The following AHI1 variants were observed in gnomAD, a reference collection of about 807,000 sequenced individuals.
The protein encoded by AHI1 is jouberin.
In AHI1, 123 loss-of-function variants were observed where a neutral mutation model predicts 149.3. The observed-to-expected ratio is 0.82, with a 90% CI of 0.71 to 0.96. AHI1 has a LOEUF of 0.96. AHI1 is among the 40% of genes least tolerant of loss of function. AHI1 has a pLI of 0.00. For missense variants in AHI1, 1,439 were observed against 1,422.7 expected, an observed-to-expected ratio of 1.01 and a Z score of -0.18; for synonymous variants, 475 against 459.8, an observed-to-expected ratio of 1.03 and a Z score of -0.42.
chr6:135,474,170 T>C (rs1792208364), intron 5 of AHI1, among the ~76,000 whole-genome samples: 1 of 152,222 alleles, frequency 6.6e-6, no homozygotes, highest in Admixed American at 6.5e-5. Context: ...CTTACAATAC[T>C]TTCCGTTTAA....
In AHI1 at chr6:135,402,676, C is replaced by T. The variant is rs186200307; in HGVS notation, c.2988+2275G>A. ...CCAAACCCTCATTTTCCTCCTCAGG[C>T]TATTCAATGTGAAGACAAAGGAAGA... On this transcript the variant is annotated intron_variant, in intron 22 of 28. Transcript: ENST00000265602. Among the ~76,000 whole-genome samples the T allele has an allele frequency of 2.2e-3, 332 of 152,258 alleles. 1 individual carries two copies. The highest frequency in any genetic ancestry group is 6.8e-3 in the Middle Eastern group (2 of 294).
chr6:135,469,571 G>A (rs941097509), intron 5 of AHI1, among the ~76,000 whole-genome samples: 5 of 151,860 alleles, frequency 3.3e-5, no homozygotes, highest in Admixed American at 2.0e-4. Context: ...ACCTGACTTC[G>A]AACTATACTG....
chr6:135,436,767 T>C (rs1583224626), intron 15 of AHI1, among the ~76,000 whole-genome samples: 1 of 151,874 alleles, frequency 6.6e-6, no homozygotes, highest in African/African-American at 2.4e-5. Context: ...ACACCCGGCT[T>C]ATTTTTGTAT....
At chr6:135,320,708 C>T (rs1288175325) in intron 25 of AHI1, among the ~76,000 whole-genome samples, 1 of 152,146 alleles carries the variant, frequency 6.6e-6, no homozygotes, top group African/African-American at 2.4e-5. Flanking sequence ...CCCACCCTGC[C>T]TAGAGATACA....
At chr6:135,455,629 A>C in intron 10 of AHI1, 105 bp downstream of exon 10, 4 of 892,766 alleles carry the variant, frequency 4.5e-6, no homozygotes, top group Non-Finnish European at 6.3e-6. Flanking sequence ...AAATTCTCAC[A>C]CAACTTTTTT....
intron 23 of AHI1, among the ~76,000 whole-genome samples, chr6:135,389,658 A>G (rs2128478240): frequency 6.6e-6 from 1 of 152,350 alleles, no homozygotes; most frequent in East Asian, 1.9e-4. Context: ...ATAAAGTCAT[A>G]TTAATAAAAT....
rs140280929 is a variant in AHI1, at chr6:135,411,393, A to C, written c.2916T>G (p.Ser972=). 8.1e-4 allele frequency: 1,308 copies of C among 1,613,862 alleles called. 6 individuals carry two copies. In the African/African-American group the frequency reaches 0.016, roughly 19 times the overall value. ...GTTTTACTAGCTGCATCTTCGTTGAAGAACTTTCAGTGTGGACAAATTCAT... is the reference window on the plus strand; with the variant it reads ...GTTTTACTAGCTGCATCTTCGTTGACGAACTTTCAGTGTGGACAAATTCAT... The part of the protein sequence containing the change: ...QIDEFVHTES[S]STKMQLVKQR... The change falls in exon 21 of 29, where the codon TCT becomes TCG. Residue 972 remains serine (S), a synonymous_variant. Transcript: ENST00000265602.
intron 23 of AHI1, among the ~76,000 whole-genome samples, chr6:135,376,765 C>G (rs1449469971): frequency 6.6e-6 from 1 of 151,178 alleles, no homozygotes; most frequent in African/African-American, 2.4e-5. Context: ...GCCTGTAATC[C>G]CAGCTACTCG....
chr6:135,480,572 T>C (rs1396575407), intron 5 of AHI1, among the ~76,000 whole-genome samples: 4 of 152,260 alleles, frequency 2.6e-5, no homozygotes. Context: ...AAACTCACGT[T>C]AAAATTTAGT....
At chr6:135,380,742 C>T (rs1246677378) in intron 23 of AHI1, among the ~76,000 whole-genome samples, 1 of 122,186 alleles carries the variant, frequency 8.2e-6, no homozygotes, top group South Asian at 2.7e-4. Flanking sequence ...CCCCCCCCCC[C>T]CCAAAAAAAA....
intron 5 of AHI1, among the ~76,000 whole-genome samples, chr6:135,477,721 C>A (rs1338492184): frequency 6.6e-6 from 1 of 152,132 alleles, no homozygotes; most frequent in Non-Finnish European, 1.5e-5. Context: ...TCCCCTTCAC[C>A]TTCCACCACG....
At chr6:135,440,470 A>G (rs1389785992) in intron 14 of AHI1, among the ~76,000 whole-genome samples, 2 of 152,192 alleles carry the variant, frequency 1.3e-5, no homozygotes, top group Non-Finnish European at 2.9e-5. Flanking sequence ...CTGGGTATCT[A>G]GAAGGATTCC....
intron 25 of AHI1, among the ~76,000 whole-genome samples, chr6:135,322,532 C>T (rs886667799): frequency 3.7e-4 from 56 of 151,850 alleles, no homozygotes; most frequent in Admixed American, 1.6e-3. Flanking sequence ...TATTAAAACA[C>T]GAAGTAGAAA....
At chr6:135,364,967 G>C (rs577497998) in intron 23 of AHI1, among the ~76,000 whole-genome samples, 11 of 152,304 alleles carry the variant, frequency 7.2e-5, no homozygotes, top group Non-Finnish European at 1.5e-4. Context: ...GAGCGGGAGC[G>C]TCTTTCATCC....
intron 23 of AHI1, among the ~76,000 whole-genome samples, chr6:135,393,389 C>G (rs1036496468): frequency 2.0e-5 from 3 of 152,094 alleles, no homozygotes; most frequent in Non-Finnish European, 4.4e-5. Context: ...CTTCTAAGCT[C>G]TTAATCCTGA....
At chr6:135,345,997 TGTGGAAATA>T (rs1168405724) in intron 24 of AHI1, among the ~76,000 whole-genome samples, 1 of 152,142 alleles carries the variant, frequency 6.6e-6, no homozygotes, top group Non-Finnish European at 1.5e-5. Context: ...GAGGTGAGAC[TGTGGAAATA>T]TAATCAAAGG....
intron 27 of AHI1, among the ~76,000 whole-genome samples, chr6:135,291,728 C>G (rs1782376091): frequency 6.6e-6 from 1 of 151,928 alleles, no homozygotes; most frequent in African/African-American, 2.4e-5. Flanking sequence ...TCAGAAATTA[C>G]AAAGAAGAAA....
chr6:135,344,634 CTCCCT>C (rs1468304167), intron 24 of AHI1, among the ~76,000 whole-genome samples: 1 of 150,644 alleles, frequency 6.6e-6, no homozygotes, highest in Non-Finnish European at 1.5e-5. Flanking sequence ...CCCTTCCTCC[CTCCCT>C]TCCTTTCTTC....
intron 27 of AHI1, 63 bp from the exon 28 acceptor site, chr6:135,290,588 T>A (rs1350644893): frequency 6.4e-7 from 1 of 1,571,380 alleles, no homozygotes. Context: ...AAAGCTCAGA[T>A]GAGGCTTTGA....
Sources: gnomAD v4.1 joint callset for allele counts (sites outside exome capture counted in the v4.1 genomes callset) on GRCh38, gnomAD v4.1.1 for gene constraint, MANE v1.5 for transcripts, NCBI Gene and HGNC (gene_info 2026-07-23, HGNC 2026-07-21) for gene names.